The following FTO variants were observed in gnomAD, a reference collection of about 807,000 sequenced individuals.
The protein encoded by FTO is alpha-ketoglutarate-dependent dioxygenase FTO.
In FTO, 47 loss-of-function variants were observed where a neutral mutation model predicts 63.9. The observed-to-expected ratio is 0.74, with a 90% CI of 0.58 to 0.94. FTO has a LOEUF of 0.94. FTO is among the 40% of genes least tolerant of loss of function. The probability of loss-of-function intolerance (pLI) is 0.00; values close to 1 mark genes in which losing one functional copy is unlikely to be tolerated. For synonymous variants in FTO, 207 were observed against 224.4 expected (o/e 0.92, Z 0.69); for missense variants, 562 against 618.1 (o/e 0.91, Z 0.96).
intron 6 of FTO, among the ~76,000 whole-genome samples, chr16:53,881,356 A>G (rs1381551891): frequency 6.6e-6 from 1 of 152,156 alleles, no homozygotes; most frequent in African/African-American, 2.4e-5. Flanking sequence ...CTGTAGGTCA[A>G]GACACTGTCT....
chr16:53,741,863 C>T (rs755210019), intron 1 of FTO, among the ~76,000 whole-genome samples: 10 of 152,108 alleles, frequency 6.6e-5, no homozygotes, highest in Non-Finnish European at 1.2e-4. Context: ...GCTGGGAAAT[C>T]GCTTATTTCA....
At chr16:53,888,447 ATTTATTTTTAATTGT>A in intron 6 of FTO, among the ~76,000 whole-genome samples, 1 of 151,950 alleles carries the variant, frequency 6.6e-6, no homozygotes, top group Non-Finnish European at 1.5e-5. Context: ...AGCTTGGCCA[ATTTATTTTTAATTGT>A]TTTATTAGTA....
chr16:53,774,847 T>C (rs1428027237), intron 1 of FTO, among the ~76,000 whole-genome samples: 1 of 152,110 alleles, frequency 6.6e-6, no homozygotes, highest in Non-Finnish European at 1.5e-5. Flanking sequence ...CAACCATAGT[T>C]GTAGTTGGGA....
chr16:53,705,196 C>A (rs1238604462), intron 1 of FTO, among the ~76,000 whole-genome samples: 1 of 152,156 alleles, frequency 6.6e-6, no homozygotes, highest in Non-Finnish European at 1.5e-5. Context: ...GTAAGATCTT[C>A]GTGAAATGCA....
chr16:53,776,253 G>T (rs2077456479), intron 1 of FTO, among the ~76,000 whole-genome samples: 1 of 152,188 alleles, frequency 6.6e-6, no homozygotes, highest in Admixed American at 6.5e-5. Flanking sequence ...TTGCTGAAGT[G>T]TGTGTTGTGA....
intron 1 of FTO, among the ~76,000 whole-genome samples, chr16:53,799,192 A>G (rs1200727541): frequency 1.3e-5 from 2 of 151,898 alleles, no homozygotes; most frequent in Non-Finnish European, 2.9e-5. Flanking sequence ...TTCTTGTAAT[A>G]TTTCTGCTTG....
Position 53,873,811 on chromosome 16 carries a change from C to T in FTO, c.921C>T (p.His307=). Residue 307 remains histidine, a synonymous_variant, in exon 5 of 9, where the codon CAC becomes CAT. Transcript: ENST00000471389. ...ATGATCTCAATGCCACCCACCAACACTGTGTTTTGGCCGGTTCACAACCTC... is the reference window on the plus strand; with the variant it reads ...ATGATCTCAATGCCACCCACCAACATTGTGTTTTGGCCGGTTCACAACCTC... The part of the protein sequence containing the change: ...MLDDLNATHQ[H]CVLAGSQPRF... 3 of 1,613,116 alleles carry T rather than the reference C, an allele frequency of 1.9e-6. No homozygotes were observed. The highest frequency in any genetic ancestry group is 2.5e-6 in the Non-Finnish European group (3 of 1,179,320).
chr16:53,951,571 T>G (rs1248259898), intron 8 of FTO, among the ~76,000 whole-genome samples: 2 of 152,182 alleles, frequency 1.3e-5, no homozygotes, highest in East Asian at 1.9e-4. Flanking sequence ...TACTTTTTAT[T>G]TGAAAATTTA....
chr16:54,086,439 G>A (rs539521965), intron 8 of FTO, among the ~76,000 whole-genome samples: 3 of 152,204 alleles, frequency 2.0e-5, no homozygotes, highest in Non-Finnish European at 4.4e-5. Context: ...TGGTGAAAAT[G>A]CAATGATAGT....
At chr16:53,961,105 C>T (rs1006018007) in intron 8 of FTO, among the ~76,000 whole-genome samples, 17 of 152,016 alleles carry the variant, frequency 1.1e-4, no homozygotes, top group African/African-American at 3.6e-4. Flanking sequence ...GCCAACCTGA[C>T]GCCAGTGTAA....
intron 8 of FTO, among the ~76,000 whole-genome samples, chr16:53,996,225 GT>G (rs1167100414): frequency 1.2e-4 from 18 of 152,174 alleles, no homozygotes; most frequent in Non-Finnish European, 2.5e-4. Context: ...TTGACGGTTG[GT>G]TTTTTGCTGC....
chr16:53,835,604 G>A (rs936056349), intron 3 of FTO, among the ~76,000 whole-genome samples: 1 of 151,862 alleles, frequency 6.6e-6, no homozygotes, highest in African/African-American at 2.4e-5. Flanking sequence ...TTTTTTGTTG[G>A]ATCTTTTTTT....
intron 8 of FTO, among the ~76,000 whole-genome samples, chr16:54,052,043 T>C (rs1352851806): frequency 6.6e-6 from 1 of 152,178 alleles, no homozygotes; most frequent in African/African-American, 2.4e-5. Context: ...TTTTCTGAGA[T>C]CGTATTATTC....
In FTO at chr16:53,705,117, C is replaced by T. The variant is rs181534472; in HGVS notation, c.45+888C>T. ...TTGATTGGCCTACACTCACTCTACACCCTAACTTAACTCTTCTTCCACCTT... is the reference window on the plus strand; with the variant it reads ...TTGATTGGCCTACACTCACTCTACATCCTAACTTAACTCTTCTTCCACCTT... On this transcript the variant is annotated intron_variant, in intron 1 of 8. Coordinates refer to ENST00000471389, the MANE Select transcript of FTO (RefSeq NM_001080432.3). 1.3e-3 allele frequency among the ~76,000 whole-genome samples: 200 copies of T among 152,202 alleles called. 1 individual carries two copies. The highest frequency in any genetic ancestry group is 4.3e-4 in the Non-Finnish European group (29 of 68,010).
At chr16:54,001,302 A>G (rs962309005) in intron 8 of FTO, among the ~76,000 whole-genome samples, 1 of 152,180 alleles carries the variant, frequency 6.6e-6, no homozygotes, top group Non-Finnish European at 1.5e-5. Context: ...TTCCGTGAGC[A>G]CCTGCCTTGG....
intron 2 of FTO, 121 bp downstream of exon 2, chr16:53,810,338 C>G (rs886769563): frequency 1.4e-6 from 1 of 710,084 alleles, no homozygotes; most frequent in Non-Finnish European, 2.6e-6. Context: ...TTAGATCACC[C>G]ATGACTTCTC....
At chr16:53,881,519 C>T (rs2080836008) in intron 6 of FTO, among the ~76,000 whole-genome samples, 2 of 152,176 alleles carry the variant, frequency 1.3e-5, no homozygotes, top group African/African-American at 2.4e-5. Flanking sequence ...GCACAAGAGA[C>T]TCATGAAGAA....
intron 4 of FTO, among the ~76,000 whole-genome samples, chr16:53,852,110 A>AAAAAAAAAAAAAAAAAAAAAC (rs2079820968): frequency 6.7e-6 from 1 of 149,184 alleles, no homozygotes; most frequent in African/African-American, 2.5e-5. Flanking sequence ...ACAAAAAAAA[A>AAAAAAAAAAAAAAAAAAAAAC]AAAAAAAAAA....
At chr16:53,930,801 C>A (rs550265832) in intron 7 of FTO, among the ~76,000 whole-genome samples, 26 of 152,238 alleles carry the variant, frequency 1.7e-4, no homozygotes, top group African/African-American at 6.3e-4. Context: ...AGAGTGAATC[C>A]TTTTGTGAAG....
Sources: gnomAD v4.1 joint callset for allele counts (sites outside exome capture counted in the v4.1 genomes callset) on GRCh38, gnomAD v4.1.1 for gene constraint, MANE v1.5 for transcripts, NCBI Gene and HGNC (gene_info 2026-07-23, HGNC 2026-07-21) for gene names.